The following CLSTN2 variants were observed in gnomAD, a reference collection of about 807,000 sequenced individuals.
CLSTN2 encodes calsyntenin 2, also known as calsyntenin-2.
Under a neutral mutation model 101.2 loss-of-function variants are expected in CLSTN2, and 48 were observed. The observed-to-expected ratio is 0.47, with a 90% CI of 0.38 to 0.60. The LOEUF is 0.60. Ranked by LOEUF, CLSTN2 falls within the 20% of genes least tolerant of loss-of-function variation. The pLI, the probability that CLSTN2 is intolerant of heterozygous loss-of-function variation, is 0.00. For synonymous variants in CLSTN2, 481 were observed against 463.6 expected (o/e 1.04, Z -0.48); for missense variants, 1,160 against 1,238.2 (o/e 0.94, Z 0.95).
chr3:139,979,306 A>G (rs556391382), intron 1 of CLSTN2, among the ~76,000 whole-genome samples: 1 of 152,214 alleles, frequency 6.6e-6, no homozygotes, highest in Non-Finnish European at 1.5e-5. Context: ...TCACCTGTTC[A>G]CAGAGGGAAT....
chr3:140,129,723 G>A (rs2009493383), intron 1 of CLSTN2, among the ~76,000 whole-genome samples: 1 of 152,192 alleles, frequency 6.6e-6, no homozygotes, highest in Admixed American at 6.5e-5. Flanking sequence ...GAGGGAGCTA[G>A]TGTTCTTGAA....
At chr3:140,245,382 G>A (rs1188831350) in intron 2 of CLSTN2, among the ~76,000 whole-genome samples, 7 of 152,116 alleles carry the variant, frequency 4.6e-5, no homozygotes, top group Non-Finnish European at 1.0e-4. Flanking sequence ...AAATGAAGAA[G>A]ACCAAGCACC....
At chr3:140,146,590 A>G (rs2009784245) in intron 1 of CLSTN2, among the ~76,000 whole-genome samples, 1 of 152,256 alleles carries the variant, frequency 6.6e-6, no homozygotes. Flanking sequence ...AAAATTTGAA[A>G]GAAGTTGTAT....
At chr3:139,966,239 C>G (rs1935596105) in intron 1 of CLSTN2, among the ~76,000 whole-genome samples, 1 of 152,174 alleles carries the variant, frequency 6.6e-6, no homozygotes, top group African/African-American at 2.4e-5. Flanking sequence ...GCTCTGCAGC[C>G]AGGGACATCA....
chr3:140,267,445 G>A (rs539083175), intron 2 of CLSTN2, among the ~76,000 whole-genome samples: 1 of 152,246 alleles, frequency 6.6e-6, no homozygotes, highest in East Asian at 1.9e-4. Context: ...AGGTTTCAGG[G>A]CAAGATGAAA....
intron 6 of CLSTN2, among the ~76,000 whole-genome samples, chr3:140,451,450 G>A (rs964662325): frequency 1.8e-4 from 28 of 152,116 alleles, no homozygotes; most frequent in Non-Finnish European, 2.9e-5. Context: ...CTTTGAAGGA[G>A]AGAAGCCTGT....
chr3:140,052,933 G>T (rs371598800), intron 1 of CLSTN2, among the ~76,000 whole-genome samples: 1 of 152,178 alleles, frequency 6.6e-6, no homozygotes, highest in Non-Finnish European at 1.5e-5. Flanking sequence ...GCAGCACATT[G>T]TTTCTCCCCC....
At chr3:140,307,949 T>C (rs1219188364) in intron 2 of CLSTN2, among the ~76,000 whole-genome samples, 1 of 152,206 alleles carries the variant, frequency 6.6e-6, no homozygotes, top group Non-Finnish European at 1.5e-5. Flanking sequence ...GAGTATCCTT[T>C]TAACAGGGTC....
At chr3:140,283,293 T>C (rs1196185795) in intron 2 of CLSTN2, among the ~76,000 whole-genome samples, 1 of 152,110 alleles carries the variant, frequency 6.6e-6, no homozygotes, top group Non-Finnish European at 1.5e-5. Context: ...TGAAATTTGG[T>C]ATTTATTATT....
chr3:140,176,875 T>A (rs533776366), intron 2 of CLSTN2, among the ~76,000 whole-genome samples: 2 of 152,348 alleles, frequency 1.3e-5, no homozygotes, highest in Admixed American at 6.5e-5. Flanking sequence ...TCTAGAAGAT[T>A]GTTTTATGAT....
intron 1 of CLSTN2, among the ~76,000 whole-genome samples, chr3:140,024,423 A>G (rs1006636071): frequency 6.6e-6 from 1 of 152,198 alleles, no homozygotes; most frequent in Non-Finnish European, 1.5e-5. Context: ...CATCAGCTGC[A>G]TGGCTGTTTT....
chr3:140,174,507 C>T (rs909494157), intron 1 of CLSTN2, among the ~76,000 whole-genome samples: 1 of 152,126 alleles, frequency 6.6e-6, no homozygotes, highest in Non-Finnish European at 1.5e-5. Context: ...TCAGCAATGC[C>T]CCACTCTACT....
chr3:140,487,537 G>C, intron 8 of CLSTN2, among the ~76,000 whole-genome samples: 1 of 152,236 alleles, frequency 6.6e-6, no homozygotes, highest in East Asian at 1.9e-4. Flanking sequence ...GTAGAAAACA[G>C]AGAACAGTGC....
intron 8 of CLSTN2, among the ~76,000 whole-genome samples, chr3:140,474,817 C>A (rs1427777): frequency 0.17 from 26,233 of 152,022 alleles, 2,657 homozygotes; most frequent in East Asian, 0.41. Flanking sequence ...TCCGGCGAGC[C>A]CAGTCCTGAA....
At chr3:140,278,069 A>G (rs183200462) in intron 2 of CLSTN2, among the ~76,000 whole-genome samples, 67 of 152,324 alleles carry the variant, frequency 4.4e-4, no homozygotes, top group African/African-American at 1.5e-3. Flanking sequence ...GAAGTGTCAC[A>G]GGCCCGCAGA....
At chr3:140,066,942 T>C (rs1329763540) in intron 1 of CLSTN2, among the ~76,000 whole-genome samples, 3 of 152,192 alleles carry the variant, frequency 2.0e-5, no homozygotes, top group Admixed American at 6.5e-5. Flanking sequence ...TAATTTATCA[T>C]TGGTGTATTT....
In CLSTN2 at chr3:140,415,636, A is replaced by G. The variant is rs139779692; in HGVS notation, c.638-5489A>G. Among the ~76,000 whole-genome samples, 268 of 152,310 alleles carry G rather than the reference A, an allele frequency of 1.8e-3. 1 individual carries two copies. The highest frequency in any genetic ancestry group is 6.8e-3 in the Middle Eastern group (2 of 294). On this transcript the variant is annotated intron_variant, in intron 4 of 16. Coordinates refer to ENST00000458420, the MANE Select transcript of CLSTN2 (RefSeq NM_022131.3). The stretch of plus-strand genomic sequence containing the variant: ...ACTAACTACCAGTAAAATGCAAATC[A>G]AACCCTCAATGAGCTATCACCTCAC...
At chr3:139,973,681 C>G (rs1935760997) in intron 1 of CLSTN2, among the ~76,000 whole-genome samples, 1 of 152,086 alleles carries the variant, frequency 6.6e-6, no homozygotes, top group African/African-American at 2.4e-5. Context: ...TTCTGTCACC[C>G]AGGCCAGAGT....
At chr3:140,514,696 G>T (rs932748214) in intron 8 of CLSTN2, among the ~76,000 whole-genome samples, 1 of 152,050 alleles carries the variant, frequency 6.6e-6, no homozygotes, top group African/African-American at 2.4e-5. Flanking sequence ...TTCTTTGAGG[G>T]ATCTCTACAC....
Sources: gnomAD v4.1 joint callset for allele counts (sites outside exome capture counted in the v4.1 genomes callset) on GRCh38, gnomAD v4.1.1 for gene constraint, MANE v1.5 for transcripts, NCBI Gene and HGNC (gene_info 2026-07-23, HGNC 2026-07-21) for gene names.